SLC35F4: variants seen among roughly 807,000 people sequenced by gnomAD.
SLC35F4 encodes the protein solute carrier family 35 member F4, also known as chromosome 14 open reading frame 36.
SLC35F4 carries 24 observed loss-of-function variants against 44.2 expected under a neutral mutation model. The observed-to-expected ratio is 0.54, with a 90% CI of 0.39 to 0.76. SLC35F4 has a LOEUF of 0.76. Among genes scored for constraint, SLC35F4 ranks in the 30% least tolerant of loss-of-function variants. The pLI is 0.00. For missense variants in SLC35F4, 562 were observed against 586.1 expected (o/e 0.96, Z 0.42); for synonymous variants, 238 against 223.6 (o/e 1.06, Z -0.57).
chr14:57,655,585 A>G (rs1273285242), intron 1 of SLC35F4, among the ~76,000 whole-genome samples: 2 of 152,070 alleles, frequency 1.3e-5, no homozygotes, highest in Non-Finnish European at 1.5e-5. Context: ...ATGGTGCTCT[A>G]TAAAGCTTGT....
intron 1 of SLC35F4, among the ~76,000 whole-genome samples, chr14:57,932,259 T>A (rs748133108): frequency 7.9e-5 from 12 of 152,212 alleles, no homozygotes; most frequent in Non-Finnish European, 1.6e-4. Flanking sequence ...TCAGTTTTGT[T>A]CTCTGATGGA....
intron 6 of SLC35F4, among the ~76,000 whole-genome samples, chr14:57,569,362 T>C (rs1357956537): frequency 2.6e-5 from 4 of 152,162 alleles, no homozygotes; most frequent in African/African-American, 9.7e-5. Context: ...CTCCCTCCCT[T>C]CCTTCCTTTC....
intron 1 of SLC35F4, among the ~76,000 whole-genome samples, chr14:57,671,311 C>T (rs568078199): frequency 6.6e-6 from 1 of 151,944 alleles, no homozygotes; most frequent in African/African-American, 2.4e-5. Flanking sequence ...TCAGAGTGCA[C>T]AGGTCTCAGG....
chr14:57,796,537 C>T (rs938056287), intron 1 of SLC35F4, among the ~76,000 whole-genome samples: 14 of 152,066 alleles, frequency 9.2e-5, no homozygotes, highest in Non-Finnish European at 1.9e-4. Flanking sequence ...GTTTCAAATA[C>T]ACATAAATTA....
intron 1 of SLC35F4, among the ~76,000 whole-genome samples, chr14:57,719,987 A>G (rs753757527): frequency 4.6e-5 from 7 of 152,138 alleles, no homozygotes; most frequent in African/African-American, 7.2e-5. Flanking sequence ...TGTTCCTTCT[A>G]TACCCAGTTT....
chr14:57,648,989 G>T lies in SLC35F4; in HGVS notation c.104-54865C>A, dbSNP rs796640612. On this transcript the variant is annotated intron_variant, in intron 1 of 7. Transcript: ENST00000556826. ...TCATCTCTGTCCTTCCTTCCTGTCT[G>T]CACACTTGCTGTTTGTTCACTTCTT... 6.0e-5 allele frequency among the ~76,000 whole-genome samples: 9 copies of T among 148,854 alleles called. 1 individual carries two copies. Among genetic ancestry groups the T allele is most frequent in the African/African-American group, 2.2e-4 (9 of 41,398 alleles).
At chr14:57,596,762 T>C in intron 1 of SLC35F4, 2 of 1,361,014 alleles carry the variant, frequency 1.5e-6, no homozygotes, top group Non-Finnish European at 2.0e-6. Context: ...TCTTCCTTTC[T>C]CATTTTCACT....
At chr14:57,597,841 A>G (rs1253302254) in intron 1 of SLC35F4, among the ~76,000 whole-genome samples, 2 of 152,158 alleles carry the variant, frequency 1.3e-5, no homozygotes, top group African/African-American at 4.8e-5. Context: ...TGGAAATCCC[A>G]TTCTTTCACC....
At chr14:57,873,011 T>C (rs890816643) in intron 1 of SLC35F4, among the ~76,000 whole-genome samples, 1 of 152,214 alleles carries the variant, frequency 6.6e-6, no homozygotes, top group Non-Finnish European at 1.5e-5. Context: ...GGAGAAATCC[T>C]GGGCCATGTC....
chr14:57,725,401 G>A (rs1387674313), intron 1 of SLC35F4, among the ~76,000 whole-genome samples: 1 of 152,148 alleles, frequency 6.6e-6, no homozygotes, highest in Non-Finnish European at 1.5e-5. Flanking sequence ...TGATTATACT[G>A]GACATCTTCC....
intron 1 of SLC35F4, among the ~76,000 whole-genome samples, chr14:57,674,614 T>C (rs1162719500): frequency 1.3e-5 from 2 of 152,178 alleles, no homozygotes; most frequent in Non-Finnish European, 2.9e-5. Context: ...ACACACTATA[T>C]GTTGAGAACT....
At chr14:57,886,544 G>A (rs1376987799) in intron 1 of SLC35F4, among the ~76,000 whole-genome samples, 1 of 152,164 alleles carries the variant, frequency 6.6e-6, no homozygotes, top group Non-Finnish European at 1.5e-5. Flanking sequence ...AGCAGGAAAG[G>A]CATAGAAAGA....
At position 57,851,735 on chromosome 14, in the gene SLC35F4, T is replaced by C. The variant is rs138827226; in HGVS notation, c.103+13988A>G. 1.2e-3 allele frequency among the ~76,000 whole-genome samples: 186 copies of C among 152,308 alleles called. 1 individual carries two copies. The highest frequency in any genetic ancestry group is 4.3e-3 in the African/African-American group (179 of 41,570). On this transcript the variant is annotated intron_variant, in intron 1 of 7. Coordinates refer to ENST00000556826, the MANE Select transcript of SLC35F4 (RefSeq NM_001306087.2). ...TCTTAGAACAGAATGAGAACCTTAA[T>C]TGAAAAACTGGTGAAATCCAAATAA...
intron 1 of SLC35F4, among the ~76,000 whole-genome samples, chr14:57,714,968 G>T (rs1020988592): frequency 2.6e-5 from 4 of 152,222 alleles, no homozygotes; most frequent in Non-Finnish European, 1.5e-5. Context: ...TTCAACGGAG[G>T]AGGATTCTTG....
chr14:57,623,222 T>C (rs924971105), intron 1 of SLC35F4, among the ~76,000 whole-genome samples: 2 of 152,158 alleles, frequency 1.3e-5, no homozygotes, highest in Non-Finnish European at 2.9e-5. Flanking sequence ...AGAAGGGCAT[T>C]ACATAATGGT....
chr14:57,619,799 A>C (rs1433917180), intron 1 of SLC35F4, among the ~76,000 whole-genome samples: 1 of 152,136 alleles, frequency 6.6e-6, no homozygotes, highest in Non-Finnish European at 1.5e-5. Context: ...CCCTGAAAAA[A>C]GGTTAGGCAA....
At chr14:57,665,074 C>T (rs1451067950) in intron 1 of SLC35F4, among the ~76,000 whole-genome samples, 1 of 152,070 alleles carries the variant, frequency 6.6e-6, no homozygotes, top group Admixed American at 6.6e-5. Context: ...TCCATCTTCT[C>T]CTTTCCTTCC....
At chr14:57,630,173 G>T in intron 1 of SLC35F4, 1 of 561,194 alleles carries the variant, frequency 1.8e-6, no homozygotes, top group South Asian at 1.4e-5. Flanking sequence ...GGGATCAGAA[G>T]ACACTAAATC....
chr14:57,815,741 T>G (rs1329208258), intron 1 of SLC35F4, among the ~76,000 whole-genome samples: 1 of 152,080 alleles, frequency 6.6e-6, no homozygotes, highest in Non-Finnish European at 1.5e-5. Flanking sequence ...TCCCCCTAAA[T>G]AGCGCATCTC....
Sources: allele counts gnomAD v4.1 joint callset (sites outside exome capture counted in the v4.1 genomes callset), GRCh38; gene constraint gnomAD v4.1.1; transcripts MANE v1.5; gene names NCBI Gene and HGNC (gene_info 2026-07-23, HGNC 2026-07-21).